DPP6: variants seen among roughly 807,000 people sequenced by gnomAD.
The protein encoded by DPP6 is dipeptidyl peptidase like 6, also known as A-type potassium channel modulatory protein DPP6.
DPP6 carries 69 observed loss-of-function variants against 122.6 expected under a neutral mutation model. The observed-to-expected ratio is 0.56, with a 90% CI of 0.46 to 0.69. The LOEUF (loss-of-function observed/expected upper bound fraction) is 0.69, where lower values mean the gene tolerates loss of function less well. Among genes scored for constraint, DPP6 ranks in the 30% least tolerant of loss-of-function variants. The pLI is 0.00. For synonymous variants in DPP6, 418 were observed against 433.1 expected, an observed-to-expected ratio of 0.97 and a Z score of 0.43; for missense variants, 928 against 1,116.9, an observed-to-expected ratio of 0.83 and a Z score of 2.41.
chr7:154,810,546 C>G (rs1311633177), intron 16 of DPP6, among the ~76,000 whole-genome samples: 1 of 152,200 alleles, frequency 6.6e-6, no homozygotes, highest in Non-Finnish European at 1.5e-5. Context: ...TATGTATTTG[C>G]AAGGCTTGTG....
At chr7:154,622,319 A>G (rs1834743330) in intron 5 of DPP6, among the ~76,000 whole-genome samples, 1 of 152,186 alleles carries the variant, frequency 6.6e-6, no homozygotes, top group Non-Finnish European at 1.5e-5. Flanking sequence ...TATGCCAGAT[A>G]TGTGGCATAT....
chr7:153,992,328 A>T (rs1472267720), intron 1 of DPP6, among the ~76,000 whole-genome samples: 2 of 152,054 alleles, frequency 1.3e-5, no homozygotes, highest in African/African-American at 4.8e-5. Flanking sequence ...TTCCTTACAC[A>T]CACTAGTTCC....
At chr7:154,436,969 A>G (rs7800751) in intron 1 of DPP6, among the ~76,000 whole-genome samples, 130,697 of 152,220 alleles carry the variant, frequency 0.86, 56,421 homozygotes, top group African/African-American at 0.96. Context: ...AGGTTCATTC[A>G]TGCTGTGCAT....
intron 3 of DPP6, among the ~76,000 whole-genome samples, chr7:154,493,203 G>A (rs900135654): frequency 6.6e-6 from 1 of 152,180 alleles, no homozygotes; most frequent in Non-Finnish European, 1.5e-5. Flanking sequence ...TGAAGTTTAT[G>A]CTTCAATAAC....
chr7:154,771,166 A>T (rs1796228172), intron 9 of DPP6, among the ~76,000 whole-genome samples: 1 of 152,252 alleles, frequency 6.6e-6, no homozygotes, highest in African/African-American at 2.4e-5. Flanking sequence ...ATAACTTATA[A>T]GGCAGATATA....
At chr7:154,127,110 T>C (rs1264083966) in intron 1 of DPP6, among the ~76,000 whole-genome samples, 1 of 152,216 alleles carries the variant, frequency 6.6e-6, no homozygotes. Context: ...AAGTATTCTC[T>C]GTTGCTGAAC....
chr7:154,330,021 G>C (rs1036867420), intron 1 of DPP6, among the ~76,000 whole-genome samples: 2 of 152,148 alleles, frequency 1.3e-5, no homozygotes, highest in African/African-American at 2.4e-5. Flanking sequence ...TCACACACTG[G>C]GGCCTGTCGG....
At chr7:154,288,113 CT>C (rs539473292) in intron 1 of DPP6, among the ~76,000 whole-genome samples, 76 of 152,290 alleles carry the variant, frequency 5.0e-4, no homozygotes, top group African/African-American at 1.8e-3. Flanking sequence ...AATTGAAGTC[CT>C]TAGAGCCACA....
At chr7:153,762,333 AC>A in the DPP6 span, among the ~76,000 whole-genome samples, 2 of 152,158 alleles carry the variant, frequency 1.3e-5, no homozygotes, top group Non-Finnish European at 2.9e-5. Flanking sequence ...CAATAAAGCA[AC>A]TTTTAATATC....
the DPP6 span, among the ~76,000 whole-genome samples, chr7:153,837,837 ATTTTTT>A: frequency 1.4e-4 from 11 of 80,640 alleles, no homozygotes; most frequent in African/African-American, 4.0e-4. Context: ...TGCCTGGTTA[ATTTTTT>A]TTTTTTTTTT....
intron 1 of DPP6, among the ~76,000 whole-genome samples, chr7:154,253,700 GA>G (rs1270173378): frequency 6.6e-6 from 1 of 152,154 alleles, no homozygotes; most frequent in East Asian, 1.9e-4. Context: ...GTGCTCTCTA[GA>G]AAAAGGAACA....
At chr7:154,263,454 A>T (rs1803166703) in intron 1 of DPP6, among the ~76,000 whole-genome samples, 1 of 152,222 alleles carries the variant, frequency 6.6e-6, no homozygotes, top group Non-Finnish European at 1.5e-5. Context: ...GACAGAAGCT[A>T]GATCAACCTC....
intron 1 of DPP6, among the ~76,000 whole-genome samples, chr7:154,321,037 G>T (rs933047916): frequency 3.3e-5 from 5 of 152,066 alleles, no homozygotes; most frequent in Non-Finnish European, 7.4e-5. Context: ...ATTATTCTCT[G>T]CATTGATAGA....
the DPP6 span, among the ~76,000 whole-genome samples, chr7:153,763,210 C>T: frequency 6.6e-6 from 1 of 152,070 alleles, no homozygotes; most frequent in East Asian, 1.9e-4. Context: ...CTGAAATGTA[C>T]CATTACGTAA....
chr7:154,198,849 G>A (rs922573115), intron 1 of DPP6, among the ~76,000 whole-genome samples: 5 of 152,090 alleles, frequency 3.3e-5, no homozygotes, highest in East Asian at 1.9e-4. Context: ...AGGGCCTGAC[G>A]AGGGTGGGTT....
chr7:153,934,687 A>G (rs1801343764), intron 1 of DPP6, among the ~76,000 whole-genome samples: 1 of 152,200 alleles, frequency 6.6e-6, no homozygotes, highest in Admixed American at 6.5e-5. Context: ...CACAGCTGTC[A>G]TCTGGAAGAG....
intron 1 of DPP6, among the ~76,000 whole-genome samples, chr7:154,065,207 T>G (rs970142711): frequency 2.0e-5 from 3 of 151,964 alleles, no homozygotes; most frequent in African/African-American, 7.3e-5. Context: ...TCACTGCCAC[T>G]TAAACCAGCT....
At chr7:154,247,610 C>G (rs781479920) in intron 1 of DPP6, among the ~76,000 whole-genome samples, 1 of 151,884 alleles carries the variant, frequency 6.6e-6, no homozygotes, top group Non-Finnish European at 1.5e-5. Flanking sequence ...CAAATATTGG[C>G]AGGGATGTAA....
At chr7:153,935,609 A>G (rs1407348742) in intron 1 of DPP6, among the ~76,000 whole-genome samples, 1 of 152,134 alleles carries the variant, frequency 6.6e-6, no homozygotes, top group Non-Finnish European at 1.5e-5. Flanking sequence ...GGTACATGTC[A>G]TTTTGTTTAT....
Sources: gnomAD v4.1 joint callset for allele counts (sites outside exome capture counted in the v4.1 genomes callset) on GRCh38, gnomAD v4.1.1 for gene constraint, MANE v1.5 for transcripts, NCBI Gene and HGNC (gene_info 2026-07-23, HGNC 2026-07-21) for gene names.